The following KCNMA1 variants were observed in gnomAD, a reference collection of about 807,000 sequenced individuals.
KCNMA1 encodes potassium calcium-activated channel subfamily M alpha 1.
Under a neutral mutation model 140.0 loss-of-function variants are expected in KCNMA1, and 29 were observed. The observed-to-expected ratio is 0.21, with a 90% confidence interval of 0.15 to 0.28. The LOEUF is 0.28. KCNMA1 is among the 10% of genes least tolerant of loss of function. The pLI, the probability that KCNMA1 is intolerant of heterozygous loss-of-function variation, is 1.00. For missense variants in KCNMA1, 880 were observed against 1,602.2 expected, an observed-to-expected ratio of 0.55 and a Z score of 7.70; for synonymous variants, 612 against 611.9, an observed-to-expected ratio of 1.00 and a Z score of 0.00.
intron 16 of KCNMA1, among the ~76,000 whole-genome samples, chr10:77,025,242 G>GTATGTGTATATA (rs1555136871): frequency 1.4e-4 from 6 of 42,768 alleles, no homozygotes; most frequent in African/African-American, 4.6e-4. Flanking sequence ...GGGTGTGTGT[G>GTATGTGTATATA]TATATATATA....
At chr10:77,034,461 T>C (rs2094177491) in intron 15 of KCNMA1, among the ~76,000 whole-genome samples, 1 of 152,182 alleles carries the variant, frequency 6.6e-6, no homozygotes, top group Admixed American at 6.5e-5. Flanking sequence ...GAGGCCCAGC[T>C]TTCGCCGGGC....
At chr10:76,889,088 C>CA (rs1367372226) in intron 27 of KCNMA1, among the ~76,000 whole-genome samples, 17 of 151,786 alleles carry the variant, frequency 1.1e-4, no homozygotes, top group South Asian at 8.3e-4. Flanking sequence ...AACAAAAAAA[C>CA]AAAAAAACTT....
chr10:77,587,664 T>A, intron 1 of KCNMA1: 1 of 979,968 alleles, frequency 1.0e-6, no homozygotes, highest in Non-Finnish European at 1.2e-6. Context: ...ACACCTTCAG[T>A]GGAATCTGTG....
intron 15 of KCNMA1, 142 bp from the exon 16 acceptor site, chr10:77,028,033 G>T: frequency 1.3e-6 from 1 of 774,402 alleles, no homozygotes; most frequent in Non-Finnish European, 2.2e-6. Flanking sequence ...CCAAAGGGAG[G>T]GGGTGGAAGC....
rs180918790 is a variant in KCNMA1 at position 77,593,319 on chromosome 10, C to T, written c.378+43946G>A. 8.8e-4 allele frequency among the ~76,000 whole-genome samples: 134 copies of T among 152,318 alleles called. 1 individual carries two copies. The highest frequency in any genetic ancestry group is 3.4e-3 in the Middle Eastern group (1 of 294). Reference sequence around the variant, plus strand: ...CTCAAATAAGTCTCTCCCTTCCAGGCGCCAGGTCACCATCTATAAAGCGAT... The same window carrying T: ...CTCAAATAAGTCTCTCCCTTCCAGGTGCCAGGTCACCATCTATAAAGCGAT... On this transcript the variant is annotated intron_variant, in intron 1 of 27. Transcript: ENST00000286628.
At chr10:77,162,890 G>T (rs1012973750) in intron 5 of KCNMA1, among the ~76,000 whole-genome samples, 1 of 152,080 alleles carries the variant, frequency 6.6e-6, no homozygotes, top group African/African-American at 2.4e-5. Flanking sequence ...CAGACTGCGG[G>T]GTTCATATTT....
intron 3 of KCNMA1, among the ~76,000 whole-genome samples, chr10:77,241,100 C>A (rs1195352566): frequency 6.6e-6 from 1 of 152,114 alleles, no homozygotes. Flanking sequence ...TTTTAATTTT[C>A]TCATTTGAAA....
chr10:76,898,233 A>G (rs2043473768), intron 25 of KCNMA1, among the ~76,000 whole-genome samples: 1 of 151,934 alleles, frequency 6.6e-6, no homozygotes, highest in Admixed American at 6.6e-5. Context: ...TATAGCTTCA[A>G]AGAAAAATTT....
rs185061551 is a variant in KCNMA1 at position 77,328,393 on chromosome 10, T to C, written c.540+75469A>G. ...GTCCCAACGAGGCCACAGGACCAGT[T>C]ACCCATCCGCAGATTATCCTTGGAA... is the stretch of plus-strand genomic sequence containing the variant. On this transcript the variant is annotated intron_variant, in intron 2 of 27. Transcript: ENST00000286628. Among the ~76,000 whole-genome samples, 117 of 152,320 alleles carry C rather than the reference T, an allele frequency of 7.7e-4. 1 individual carries two copies. The highest frequency in any genetic ancestry group is 2.7e-3 in the African/African-American group (113 of 41,568).
At chr10:77,199,400 T>C (rs1198295378) in intron 3 of KCNMA1, among the ~76,000 whole-genome samples, 1 of 152,194 alleles carries the variant, frequency 6.6e-6, no homozygotes, top group Non-Finnish European at 1.5e-5. Flanking sequence ...CAAGAGCAGC[T>C]TGTTTAAAAA....
intron 6 of KCNMA1, among the ~76,000 whole-genome samples, chr10:77,115,433 G>A (rs1297163039): frequency 6.6e-6 from 1 of 152,194 alleles, no homozygotes; most frequent in Non-Finnish European, 1.5e-5. Flanking sequence ...CCACATTGGA[G>A]GGTAAGAAAT....
chr10:77,271,841 A>T (rs537533652), intron 2 of KCNMA1, among the ~76,000 whole-genome samples: 2 of 151,960 alleles, frequency 1.3e-5, no homozygotes, highest in African/African-American at 4.8e-5. Flanking sequence ...CCCTGGGGGA[A>T]AAAAAAAGCT....
intron 1 of KCNMA1, among the ~76,000 whole-genome samples, chr10:77,500,351 C>T (rs1229942613): frequency 2.0e-5 from 3 of 151,696 alleles, no homozygotes; most frequent in Non-Finnish European, 2.9e-5. Flanking sequence ...AAGAATAAAC[C>T]AGAATATGCC....
At chr10:77,543,315 C>G (rs935738221) in intron 1 of KCNMA1, among the ~76,000 whole-genome samples, 1 of 152,138 alleles carries the variant, frequency 6.6e-6, no homozygotes, top group Non-Finnish European at 1.5e-5. Flanking sequence ...CAAACTGGAG[C>G]TGACACCATG....
At chr10:76,973,562 C>T (rs1165304371) in intron 19 of KCNMA1, among the ~76,000 whole-genome samples, 1 of 152,172 alleles carries the variant, frequency 6.6e-6, no homozygotes, top group African/African-American at 2.4e-5. Flanking sequence ...ATTTCAATGA[C>T]ATAACCTCCA....
At position 77,374,964 on chromosome 10, in the gene KCNMA1, A is replaced by G. The variant is rs1289761067; in HGVS notation, c.540+28898T>C. On this transcript the variant is annotated intron_variant, in intron 2 of 27. Transcript: ENST00000286628. ...AGGAATCTCACACAAGGCCTAAACC[A>G]GTTTCCATACAACTTCCTTGCCTTT... Among the ~76,000 whole-genome samples, 3 of 152,200 alleles carry G rather than the reference A, an allele frequency of 2.0e-5. No individual in the cohort carries two copies. In the East Asian group the frequency reaches 5.8e-4, roughly 29 times the overall value.
At chr10:77,137,525 C>T (rs1468591636) in intron 5 of KCNMA1, among the ~76,000 whole-genome samples, 3 of 152,210 alleles carry the variant, frequency 2.0e-5, no homozygotes, top group South Asian at 4.1e-4. Flanking sequence ...GTCCCCTGCA[C>T]CCTTCTGCCA....
At chr10:77,557,795 G>T (rs1412760647) in intron 1 of KCNMA1, among the ~76,000 whole-genome samples, 5 of 151,878 alleles carry the variant, frequency 3.3e-5, no homozygotes, top group Non-Finnish European at 5.9e-5. Context: ...GATTACAGGT[G>T]CCCGCCACCA....
chr10:77,435,548 TC>T (rs995937405), intron 1 of KCNMA1, among the ~76,000 whole-genome samples: 3 of 152,124 alleles, frequency 2.0e-5, no homozygotes, highest in Admixed American at 2.0e-4. Context: ...ATGAACTAAA[TC>T]CCTCCTTGGT....
Sources: gnomAD v4.1 joint callset for allele counts (sites outside exome capture counted in the v4.1 genomes callset) on GRCh38, gnomAD v4.1.1 for gene constraint, MANE v1.5 for transcripts, NCBI Gene and HGNC (gene_info 2026-07-23, HGNC 2026-07-21) for gene names.